Variants in DMXL1 observed in about 807,000 individuals in gnomAD.
DMXL1 encodes the protein dmX-like protein 1.
A neutral mutation model predicts 319.2 loss-of-function variants in DMXL1; 99 were observed. That is an observed-to-expected ratio of 0.31 (90% CI 0.26 to 0.37). The LOEUF (loss-of-function observed/expected upper bound fraction) is 0.37, where lower values mean the gene tolerates loss of function less well. DMXL1 is among the 10% of genes least tolerant of loss of function. DMXL1 has a pLI of 1.00. For missense variants in DMXL1, 3,745 were observed against 3,595.6 expected (o/e 1.04, Z -1.06); for synonymous variants, 1,385 against 1,235.2 (o/e 1.12, Z -2.54).
In DMXL1 at chr5:119,101,939, C is replaced by T. The variant is rs1292261719; in HGVS notation, c.218C>T (p.Ala73Val). The stretch of plus-strand genomic sequence containing the variant: ...TTCTTTTTTTCTTTTTAAAAGATTG[C>T]AGCGTCTTATGGAAATGTTATCTCC... ...VDCSMQQGKI[A>V]ASYGNVISIF... is the part of the protein sequence containing the mutation. The change falls in exon 3 of 44, where the codon GCA (alanine) becomes GTA (valine). Residue 73 changes from alanine (A) to valine (V), a missense_variant. This residue lies in a region of DMXL1 where 2,096 missense variants were observed against 1,985.4 expected (regional missense o/e 1.06). Transcript: ENST00000539542. The T allele has an allele frequency of 1.3e-6, 2 of 1,593,974 alleles. No individual in the cohort carries two copies. The highest frequency in any genetic ancestry group is 1.7e-6 in the Non-Finnish European group (2 of 1,170,184).
chr5:119,105,302 C>G, intron 4 of DMXL1, 44 bp downstream of exon 4: 2 of 1,454,350 alleles, frequency 1.4e-6, no homozygotes, highest in Non-Finnish European at 1.9e-6. Context: ...TATCACTTGC[C>G]TAGTTGTTCT....
In DMXL1 at chr5:119,134,138, T is replaced by C. The variant is rs1426379341; in HGVS notation, c.2214T>C (p.Asn738=). The change falls in exon 12 of 44, where the codon AAT becomes AAC. Residue 738 remains asparagine, a synonymous_variant. Coordinates refer to ENST00000539542, the MANE Select transcript of DMXL1 (RefSeq NM_001290321.3). ...INSLHVSAFS[N]VAWLPTLIPS... Reference sequence around the variant, plus strand: ...CTCTTCATGTTTCTGCCTTTTCCAATGTGGCATGGCTGCCCACTCTTATAC... The same window carrying C: ...CTCTTCATGTTTCTGCCTTTTCCAACGTGGCATGGCTGCCCACTCTTATAC... The C allele has an allele frequency of 1.2e-6, 2 of 1,614,040 alleles. No homozygotes were observed. The highest frequency in any genetic ancestry group is 1.6e-4 in the Middle Eastern group (1 of 6,062).
At chr5:119,235,894 CAG>C (rs1317407857) in intron 39 of DMXL1, among the ~76,000 whole-genome samples, 1 of 152,034 alleles carries the variant, frequency 6.6e-6, no homozygotes, top group Non-Finnish European at 1.5e-5. Flanking sequence ...TTTAGGTATA[CAG>C]AGACTTAACA....
rs118081559 is a variant in DMXL1 at position 119,159,177 on chromosome 5, C to T, written c.4703-5330C>T. 4.5e-4 allele frequency among the ~76,000 whole-genome samples: 68 copies of T among 151,912 alleles called. 1 individual carries two copies. The East Asian group carries it at 0.01, about 23-fold the overall frequency. On this transcript the variant is annotated intron_variant, in intron 19 of 43. Coordinates refer to ENST00000539542, the MANE Select transcript of DMXL1 (RefSeq NM_001290321.3). ...ACAGAGTCTCGCTTCTGTCACCCAACGCTGGAGTGCAGTGGTGCAATCTCG... is the reference window on the plus strand; with the variant it reads ...ACAGAGTCTCGCTTCTGTCACCCAATGCTGGAGTGCAGTGGTGCAATCTCG...
rs766681061 is a variant in DMXL1 at position 119,150,173 on chromosome 5, C to T, written c.4346C>T (p.Thr1449Ile). 4.3e-6 allele frequency: 7 copies of T among 1,613,616 alleles called. No individual in the cohort carries two copies. Among genetic ancestry groups the T allele is most frequent in the Non-Finnish European group, 1.7e-6 (2 of 1,179,864 alleles). Residue 1449 changes from threonine to isoleucine, a missense_variant, in exon 18 of 44, where the codon ACT becomes ATT. Transcript: ENST00000539542. ...SKESYDELFQ[T>I]QLLMTDTHML... is the part of the protein sequence containing the mutation. ...GAAAGTTATGATGAGCTTTTTCAGA[C>T]TCAACTTCTAATGACTGATACTCAT... is the stretch of plus-strand genomic sequence containing the variant.
chr5:119,117,419 C>T (rs181206873), intron 7 of DMXL1, among the ~76,000 whole-genome samples: 1 of 152,124 alleles, frequency 6.6e-6, no homozygotes, highest in African/African-American at 2.4e-5. Flanking sequence ...TTTCACTGTT[C>T]TATGAATTTT....
At chr5:119,235,383 C>T (rs751471223) in intron 39 of DMXL1, among the ~76,000 whole-genome samples, 2 of 151,940 alleles carry the variant, frequency 1.3e-5, no homozygotes, top group Non-Finnish European at 1.5e-5. Context: ...ATACGATTCC[C>T]AAAAATGTGG....
rs911431013 is a variant in DMXL1, at chr5:119,171,294, T to C, written c.6489+14T>C. 18 of 1,562,540 alleles carry C rather than the reference T, an allele frequency of 1.2e-5. No individual in the cohort carries two copies. Among genetic ancestry groups the C allele is most frequent in the Non-Finnish European group, 1.5e-5 (17 of 1,155,910 alleles). ...GAATCTCAGCAGGTATGTAATTTACTTGATAGTCAAAAATGGTACATGTCT... is the reference window on the plus strand; with the variant it reads ...GAATCTCAGCAGGTATGTAATTTACCTGATAGTCAAAAATGGTACATGTCT... On this transcript the variant is annotated intron_variant, in intron 24 of 43. Coordinates refer to ENST00000539542, the MANE Select transcript of DMXL1 (RefSeq NM_001290321.3).
At chr5:119,240,316 C>A (rs1373510381) in intron 41 of DMXL1, 103 bp from the exon 42 acceptor site, 1 of 683,010 alleles carries the variant, frequency 1.5e-6, no homozygotes, top group Admixed American at 2.7e-5. Context: ...AATTTAAGAA[C>A]CTTCTGTGAC....
intron 28 of DMXL1, among the ~76,000 whole-genome samples, chr5:119,186,405 G>A (rs190938845): frequency 6.6e-6 from 1 of 152,106 alleles, no homozygotes; most frequent in African/African-American, 2.4e-5. Flanking sequence ...CTACAGGCAT[G>A]TGCCACCATG....
At chr5:119,078,531 G>A (rs1356819221) in intron 1 of DMXL1, among the ~76,000 whole-genome samples, 1 of 152,130 alleles carries the variant, frequency 6.6e-6, no homozygotes, top group Non-Finnish European at 1.5e-5. Flanking sequence ...GCTCACTGCA[G>A]CCTCAATCTC....
At chr5:119,199,551 G>C (rs1780297717) in intron 32 of DMXL1, among the ~76,000 whole-genome samples, 1 of 152,138 alleles carries the variant, frequency 6.6e-6, no homozygotes. Context: ...TTTTATGGTA[G>C]AATGATTTAT....
At chr5:119,168,643 T>A (rs1401455034) in intron 23 of DMXL1, among the ~76,000 whole-genome samples, 3 of 152,196 alleles carry the variant, frequency 2.0e-5, no homozygotes, top group Non-Finnish European at 4.4e-5. Context: ...AGCTAAAGAT[T>A]TTCAAACTAG....
intron 38 of DMXL1, among the ~76,000 whole-genome samples, chr5:119,226,234 A>T (rs1328059374): frequency 6.6e-6 from 1 of 152,210 alleles, no homozygotes; most frequent in African/African-American, 2.4e-5. Flanking sequence ...CACCTGAAAA[A>T]TTAAAAGCTA....
At chr5:119,180,464 G>T (rs1776586960) in intron 28 of DMXL1, among the ~76,000 whole-genome samples, 1 of 151,750 alleles carries the variant, frequency 6.6e-6, no homozygotes, top group Non-Finnish European at 1.5e-5. Flanking sequence ...TACTTTGATG[G>T]CTGTTTTATC....
At chr5:119,218,366 A>G (rs1784056727) in intron 35 of DMXL1, among the ~76,000 whole-genome samples, 1 of 152,186 alleles carries the variant, frequency 6.6e-6, no homozygotes, top group South Asian at 2.1e-4. Context: ...TATAAAGTCT[A>G]CAAGTTACTG....
At chr5:119,222,488 A>G (rs1487294464) in intron 37 of DMXL1, among the ~76,000 whole-genome samples, 2 of 152,230 alleles carry the variant, frequency 1.3e-5, no homozygotes, top group Non-Finnish European at 2.9e-5. Flanking sequence ...CTTTTAAAGG[A>G]GAACTCAAAG....
chr5:119,219,931 C>G (rs994284661), intron 35 of DMXL1, among the ~76,000 whole-genome samples: 2 of 151,260 alleles, frequency 1.3e-5, no homozygotes, highest in African/African-American at 4.9e-5. Flanking sequence ...AGCAACTTTT[C>G]ATTTGTGATC....
intron 26 of DMXL1, among the ~76,000 whole-genome samples, chr5:119,176,714 C>T (rs781668246): frequency 1.3e-5 from 2 of 151,930 alleles, no homozygotes; most frequent in Non-Finnish European, 1.5e-5. Context: ...AAGGAAATTC[C>T]TTATACCATT....
Sources: gnomAD v4.1 joint callset for allele counts (sites outside exome capture counted in the v4.1 genomes callset) on GRCh38, gnomAD v4.1.1 for gene constraint, gnomAD v4.1.1 regional missense constraint, MANE v1.5 for transcripts, NCBI Gene and HGNC (gene_info 2026-07-23, HGNC 2026-07-21) for gene names.